The following CNTN5 variants were observed in gnomAD, a reference collection of about 807,000 sequenced individuals.
CNTN5 encodes contactin 5.
In CNTN5, 77 loss-of-function variants were observed where a neutral mutation model predicts 129.1. That is an observed-to-expected ratio of 0.60 (90% CI 0.50 to 0.72). CNTN5 has a LOEUF of 0.72. Ranked by LOEUF, CNTN5 falls within the 30% of genes least tolerant of loss-of-function variation. The pLI, the probability that CNTN5 is intolerant of heterozygous loss-of-function variation, is 0.00. For missense variants in CNTN5, 1,478 were observed against 1,328.8 expected (o/e 1.11, Z -1.75); for synonymous variants, 509 against 465.6 (o/e 1.09, Z -1.20).
At position 100,282,108 on chromosome 11, in the gene CNTN5, A is replaced by G. The variant is rs146477256; in HGVS notation, c.2314+10867A>G. On this transcript the variant is annotated intron_variant, in intron 18 of 24. Transcript: ENST00000524871. The stretch of plus-strand genomic sequence containing the variant: ...TGGTCCCCGGTGGCATATTTGGTTC[A>G]TTTGCTGAAGTCGTGTTTTCCTGGA... Among the ~76,000 whole-genome samples, 447 of 148,310 alleles carry G rather than the reference A, an allele frequency of 3.0e-3. 5 individuals are homozygous for G. Among genetic ancestry groups the G allele is most frequent in the African/African-American group, 0.011 (435 of 39,988 alleles).
At chr11:99,505,082 A>G (rs1744716164) in intron 2 of CNTN5, among the ~76,000 whole-genome samples, 1 of 152,038 alleles carries the variant, frequency 6.6e-6, no homozygotes, top group African/African-American at 2.4e-5. Flanking sequence ...TCTTCTCAAG[A>G]CTCAATTGTG....
At chr11:99,906,953 G>T (rs1451749814) in intron 6 of CNTN5, among the ~76,000 whole-genome samples, 1 of 152,066 alleles carries the variant, frequency 6.6e-6, no homozygotes, top group Non-Finnish European at 1.5e-5. Context: ...TTGTATTTCT[G>T]TGGGATCAGT....
chr11:99,102,338 C>A (rs1866775234), intron 1 of CNTN5, among the ~76,000 whole-genome samples: 6 of 152,168 alleles, frequency 3.9e-5, no homozygotes, highest in Admixed American at 3.9e-4. Context: ...TTTGGCACCT[C>A]ATTACTTATG....
intron 2 of CNTN5, among the ~76,000 whole-genome samples, chr11:99,521,393 T>C (rs1947270085): frequency 6.6e-6 from 1 of 152,146 alleles, no homozygotes; most frequent in Non-Finnish European, 1.5e-5. Context: ...AAGTTTCTTT[T>C]TAAGTTTGAT....
intron 1 of CNTN5, among the ~76,000 whole-genome samples, chr11:99,180,942 T>G (rs1272894809): frequency 6.6e-6 from 1 of 152,190 alleles, no homozygotes; most frequent in African/African-American, 2.4e-5. Flanking sequence ...GCCATTCGAT[T>G]TTGCAACATA....
At chr11:99,681,070 T>C (rs969001309) in intron 3 of CNTN5, among the ~76,000 whole-genome samples, 1 of 151,994 alleles carries the variant, frequency 6.6e-6, no homozygotes, top group Non-Finnish European at 1.5e-5. Context: ...TCTGAGGATG[T>C]GACTGAATTG....
At chr11:99,541,112 A>G (rs1432569406) in intron 2 of CNTN5, among the ~76,000 whole-genome samples, 9 of 152,142 alleles carry the variant, frequency 5.9e-5, no homozygotes, top group African/African-American at 1.9e-4. Context: ...TAACAACTCC[A>G]CACTTGAGAA....
chr11:99,479,200 CTG>C (rs1271203408), intron 2 of CNTN5, among the ~76,000 whole-genome samples: 1 of 151,416 alleles, frequency 6.6e-6, no homozygotes, highest in Non-Finnish European at 1.5e-5. Flanking sequence ...TTGTTTAAGA[CTG>C]TGAATATTGA....
chr11:100,149,909 A>G (rs1334105106), intron 13 of CNTN5, among the ~76,000 whole-genome samples: 1 of 138,490 alleles, frequency 7.2e-6, no homozygotes, highest in Non-Finnish European at 1.5e-5. Flanking sequence ...AAAAAAAAAG[A>G]AAAGAAAAGA....
chr11:99,889,532 T>A (rs1268967217), intron 6 of CNTN5, among the ~76,000 whole-genome samples: 2 of 147,276 alleles, frequency 1.4e-5, no homozygotes, highest in South Asian at 2.1e-4. Context: ...AGACATTCTT[T>A]TTTTTTTTTT....
At chr11:99,047,558 A>C (rs1295636392) in intron 1 of CNTN5, among the ~76,000 whole-genome samples, 1 of 152,152 alleles carries the variant, frequency 6.6e-6, no homozygotes, top group Non-Finnish European at 1.5e-5. Context: ...TGTTACAATA[A>C]TCATGTGGAC....
At chr11:99,350,125 T>C (rs536400495) in intron 2 of CNTN5, among the ~76,000 whole-genome samples, 3 of 152,288 alleles carry the variant, frequency 2.0e-5, no homozygotes, top group South Asian at 4.1e-4. Context: ...GAGTTTTATT[T>C]TTAACACTAA....
intron 4 of CNTN5, among the ~76,000 whole-genome samples, chr11:99,836,784 C>T (rs1947322145): frequency 6.6e-6 from 1 of 152,194 alleles, no homozygotes; most frequent in African/African-American, 2.4e-5. Context: ...TCCTATTTCT[C>T]CACATCCTCT....
At chr11:100,062,500 A>C (rs761462173) in intron 10 of CNTN5, among the ~76,000 whole-genome samples, 3 of 152,226 alleles carry the variant, frequency 2.0e-5, no homozygotes, top group Non-Finnish European at 4.4e-5. Context: ...GTACTGCTCT[A>C]CATGCCAGCA....
At chr11:100,173,337 G>C (rs1405639086) in intron 13 of CNTN5, among the ~76,000 whole-genome samples, 1 of 152,132 alleles carries the variant, frequency 6.6e-6, no homozygotes, top group African/African-American at 2.4e-5. Flanking sequence ...ATTCAAGGAA[G>C]AGGGAAGGCT....
chr11:99,835,859 A>G (rs984455580), intron 4 of CNTN5, among the ~76,000 whole-genome samples: 3 of 152,194 alleles, frequency 2.0e-5, no homozygotes, highest in Admixed American at 1.3e-4. Flanking sequence ...AGTGGTCTGA[A>G]CTAGAGAAGA....
At chr11:99,950,216 C>T (rs1485794428) in intron 7 of CNTN5, among the ~76,000 whole-genome samples, 1 of 152,166 alleles carries the variant, frequency 6.6e-6, no homozygotes, top group East Asian at 1.9e-4. Flanking sequence ...CAGTGGCTCA[C>T]GCCTGTAATC....
At position 99,667,473 on chromosome 11, in the gene CNTN5, A is replaced by T. The variant is rs532621267; in HGVS notation, c.55+111204A>T. On this transcript the variant is annotated intron_variant, in intron 3 of 24. Transcript: ENST00000524871. ...TAATGTTGATAGTAAAGTTGTATAT[A>T]CAAGTTAAATAAAATTTTGGCTCTG... Among the ~76,000 whole-genome samples, 22 of 152,302 alleles carry T rather than the reference A, an allele frequency of 1.4e-4. No homozygotes were observed. In the South Asian group the frequency reaches 4.4e-3, roughly 30 times the overall value.
At chr11:99,312,792 G>T (rs576469298) in intron 1 of CNTN5, among the ~76,000 whole-genome samples, 1 of 141,314 alleles carries the variant, frequency 7.1e-6, no homozygotes, top group African/African-American at 2.7e-5. Context: ...GAAGAAAAAA[G>T]GATTTAAGAG....
Sources: allele counts gnomAD v4.1 joint callset (sites outside exome capture counted in the v4.1 genomes callset), GRCh38; gene constraint gnomAD v4.1.1; transcripts MANE v1.5; gene names NCBI Gene and HGNC (gene_info 2026-07-23, HGNC 2026-07-21).